NALCN: variants seen among roughly 807,000 people sequenced by gnomAD.
The protein encoded by NALCN is sodium leak channel, non-selective, also known as sodium leak channel NALCN.
NALCN carries 111 observed loss-of-function variants against 225.3 expected under a neutral mutation model. That is an observed-to-expected ratio of 0.49 (90% CI 0.42 to 0.58). The LOEUF is 0.58. NALCN is among the 20% of genes least tolerant of loss of function. NALCN has a pLI of 0.00. For missense variants in NALCN, 1,378 were observed against 2,202.4 expected (o/e 0.63, Z 7.49); for synonymous variants, 764 against 769.0 (o/e 0.99, Z 0.11).
At chr13:101,203,347 C>G (rs2040198905) in intron 13 of NALCN, among the ~76,000 whole-genome samples, 1 of 152,168 alleles carries the variant, frequency 6.6e-6, no homozygotes, top group Non-Finnish European at 1.5e-5. Context: ...TCCTAAGTAG[C>G]TGGGATTACA....
intron 1 of NALCN, among the ~76,000 whole-genome samples, chr13:101,415,169 T>G (rs532100176): frequency 1.4e-5 from 2 of 140,560 alleles, no homozygotes; most frequent in East Asian, 4.0e-4. Context: ...CCAGGCCATA[T>G]CAAATCACAG....
intron 14 of NALCN, chr13:101,181,207 G>C (rs372755081): frequency 1.9e-6 from 1 of 518,862 alleles, no homozygotes; most frequent in African/African-American, 1.9e-5. Context: ...CATTCCAGGT[G>C]GTGTGGTGAG....
At chr13:101,098,690 C>G (rs1158541334) in intron 27 of NALCN, among the ~76,000 whole-genome samples, 1 of 152,154 alleles carries the variant, frequency 6.6e-6, no homozygotes, top group African/African-American at 2.4e-5. Flanking sequence ...TTCCCCCTTT[C>G]TTTGGATTTA....
At chr13:101,085,294 G>A (rs1025156116) in intron 30 of NALCN, among the ~76,000 whole-genome samples, 6 of 151,784 alleles carry the variant, frequency 4.0e-5, no homozygotes, top group Non-Finnish European at 7.4e-5. Flanking sequence ...AAATATAATC[G>A]AGTTTATAAT....
chr13:101,306,265 C>A (rs1429973569), intron 7 of NALCN, among the ~76,000 whole-genome samples: 1 of 152,192 alleles, frequency 6.6e-6, no homozygotes, highest in African/African-American at 2.4e-5. Flanking sequence ...GCTGCATTCC[C>A]CACATCCCTT....
At chr13:101,139,267 C>T (rs1233510352) in intron 17 of NALCN, among the ~76,000 whole-genome samples, 1 of 152,114 alleles carries the variant, frequency 6.6e-6, no homozygotes, top group Non-Finnish European at 1.5e-5. Context: ...AAAATCTTGC[C>T]TAATGTGCTT....
At chr13:101,157,261 G>A (rs1043003152) in intron 15 of NALCN, among the ~76,000 whole-genome samples, 3 of 152,124 alleles carry the variant, frequency 2.0e-5, no homozygotes, top group Non-Finnish European at 4.4e-5. Context: ...TGCTCTTCTT[G>A]CTGAGAGAGC....
intron 28 of NALCN, among the ~76,000 whole-genome samples, chr13:101,093,812 A>G (rs2034361447): frequency 6.6e-6 from 1 of 152,024 alleles, no homozygotes; most frequent in African/African-American, 2.4e-5. Flanking sequence ...TGATCCTATA[A>G]CTCATATAAC....
intron 26 of NALCN, among the ~76,000 whole-genome samples, chr13:101,102,024 A>G (rs2034848361): frequency 6.6e-6 from 1 of 152,132 alleles, no homozygotes; most frequent in African/African-American, 2.4e-5. Context: ...CCATCTTAAA[A>G]AAGAAATTCA....
intron 30 of NALCN, among the ~76,000 whole-genome samples, chr13:101,086,593 CAA>C (rs1222252114): frequency 6.6e-6 from 1 of 151,942 alleles, no homozygotes; most frequent in Admixed American, 6.6e-5. Flanking sequence ...TGCACATTCT[CAA>C]ATTGTTGTAA....
At chr13:101,207,818 G>C (rs530965930) in intron 13 of NALCN, among the ~76,000 whole-genome samples, 1 of 152,176 alleles carries the variant, frequency 6.6e-6, no homozygotes, top group Non-Finnish European at 1.5e-5. Flanking sequence ...GTCCCCTTCC[G>C]TGCTGTGGAA....
rs565124699 is a variant in NALCN, at chr13:101,258,369, T to C, written c.1266+74A>G. The C allele has an allele frequency of 8.8e-4, 1,392 of 1,581,260 alleles. 3 individuals carry two copies. The highest frequency in any genetic ancestry group is 1.1e-3 in the Non-Finnish European group (1,258 of 1,162,398). ...TAATGAACAGGCTACACTTCACTTT[T>C]GCATCTCTAAGAGGCACTGTCCGCG... is the stretch of plus-strand genomic sequence containing the variant. On this transcript the variant is annotated intron_variant, in intron 11 of 43. Coordinates refer to ENST00000251127, the MANE Select transcript of NALCN (RefSeq NM_052867.4).
intron 14 of NALCN, among the ~76,000 whole-genome samples, chr13:101,185,815 G>A (rs1486030092): frequency 6.6e-6 from 1 of 152,170 alleles, no homozygotes; most frequent in Non-Finnish European, 1.5e-5. Context: ...GACTAAATCA[G>A]GAACTCATCA....
At chr13:101,075,825 T>C in intron 35 of NALCN, 48 bp downstream of exon 35, 1 of 1,498,476 alleles carries the variant, frequency 6.7e-7, no homozygotes, top group Middle Eastern at 1.9e-4. Context: ...CATTCTTTCA[T>C]TAACACATAT....
At chr13:101,355,110 T>C (rs1047065821) in intron 6 of NALCN, among the ~76,000 whole-genome samples, 3 of 152,136 alleles carry the variant, frequency 2.0e-5, no homozygotes, top group African/African-American at 7.2e-5. Flanking sequence ...ATGTGCCTGC[T>C]CCCCGTCTGC....
intron 3 of NALCN, among the ~76,000 whole-genome samples, chr13:101,392,871 G>C (rs1211009402): frequency 6.6e-6 from 1 of 152,068 alleles, no homozygotes; most frequent in Non-Finnish European, 1.5e-5. Flanking sequence ...TCATTTAAAA[G>C]AACAAGTTAG....
intron 6 of NALCN, among the ~76,000 whole-genome samples, chr13:101,351,077 A>C (rs1419804724): frequency 6.6e-6 from 1 of 152,140 alleles, no homozygotes; most frequent in South Asian, 2.1e-4. Flanking sequence ...GGAGAAACCT[A>C]ATATATAGTA....
rs368771604 is a variant in NALCN at position 101,397,066 on chromosome 13, TTATATATATA to T, written c.109-1711_109-1702del. 2.7e-3 allele frequency among the ~76,000 whole-genome samples: 150 copies of T among 56,374 alleles called. 1 individual carries two copies. Among genetic ancestry groups the T allele is most frequent in the South Asian group, 6.3e-3 (11 of 1,750 alleles). 37.0% of individuals were successfully genotyped at this position (56,374 alleles called of 152,430 possible). ...AAGAAGTAAAACACCTATGAATGTA[TTATATATATA>T]TATATATATATATATATATATATAT... On this transcript the variant is annotated intron_variant, in intron 2 of 43. Transcript: ENST00000251127.
intron 7 of NALCN, 60 bp downstream of exon 7, chr13:101,345,206 G>A: frequency 1.3e-6 from 2 of 1,514,302 alleles, no homozygotes; most frequent in Non-Finnish European, 1.8e-6. Flanking sequence ...TAATTATTCT[G>A]TCCACTTCAT....
Sources: gnomAD v4.1 joint callset for allele counts (sites outside exome capture counted in the v4.1 genomes callset) on GRCh38, gnomAD v4.1.1 for gene constraint, MANE v1.5 for transcripts, NCBI Gene and HGNC (gene_info 2026-07-23, HGNC 2026-07-21) for gene names.